Variants in CEP63 observed in about 807,000 individuals in gnomAD.
CEP63 encodes centrosomal protein 63.
A neutral mutation model predicts 89.1 loss-of-function variants in CEP63; 84 were observed. The ratio of observed to expected loss-of-function variants is 0.94; its 90% CI spans 0.79 to 1.13. The LOEUF (loss-of-function observed/expected upper bound fraction) is 1.13, where lower values mean the gene tolerates loss of function less well. Among genes scored for constraint, CEP63 ranks in the 50% most tolerant of loss-of-function variants. CEP63 has a pLI of 0.00. For synonymous variants in CEP63, 267 were observed against 272.5 expected, an observed-to-expected ratio of 0.98 and a Z score of 0.20; for missense variants, 838 against 813.3, an observed-to-expected ratio of 1.03 and a Z score of -0.37.
At chr3:134,514,396 G>T (rs7619451) in intron 3 of CEP63, among the ~76,000 whole-genome samples, 48,339 of 151,958 alleles carry the variant, frequency 0.32, 7,965 homozygotes, top group African/African-American at 0.36. Context: ...AAATGAGAAT[G>T]GGCACAAAAG....
At chr3:134,707,638 A>C in the CEP63 span, among the ~76,000 whole-genome samples, 5 of 151,920 alleles carry the variant, frequency 3.3e-5, no homozygotes, top group Admixed American at 2.0e-4. Flanking sequence ...CTTGACTTTC[A>C]GGTTGTACAA....
the CEP63 span, among the ~76,000 whole-genome samples, chr3:134,752,138 T>C: frequency 6.6e-6 from 1 of 152,026 alleles, no homozygotes; most frequent in Non-Finnish European, 1.5e-5. Flanking sequence ...ACCCCAGCAC[T>C]TAAAGGGCAA....
intron 2 of CEP63, 148 bp from the exon 3 acceptor site, chr3:134,506,961 T>G: frequency 1.8e-6 from 1 of 559,366 alleles, no homozygotes; most frequent in East Asian, 3.1e-5. Flanking sequence ...AATCCTATTC[T>G]TTGCTTCTGG....
the CEP63 span, among the ~76,000 whole-genome samples, chr3:134,658,593 C>G: frequency 2.0e-5 from 3 of 152,300 alleles, no homozygotes; most frequent in South Asian, 6.2e-4. Flanking sequence ...ATTAATGCTG[C>G]CAGCAAGCTG....
At chr3:134,672,170 A>C in the CEP63 span, among the ~76,000 whole-genome samples, 2 of 152,254 alleles carry the variant, frequency 1.3e-5, no homozygotes, top group South Asian at 4.2e-4. Context: ...TCATACTATC[A>C]CCCAGTCACT....
the CEP63 span, among the ~76,000 whole-genome samples, chr3:134,652,765 C>T: frequency 6.6e-6 from 1 of 152,052 alleles, no homozygotes; most frequent in Non-Finnish European, 1.5e-5. Flanking sequence ...ATTGCTGAGG[C>T]AGATCTCAGG....
the CEP63 span, among the ~76,000 whole-genome samples, chr3:134,754,865 C>T: frequency 6.6e-6 from 1 of 152,134 alleles, no homozygotes; most frequent in African/African-American, 2.4e-5. Context: ...CCCCCTAGCC[C>T]AATGAGTAAA....
chr3:134,548,935 ATGAC>A, intron 9 of CEP63, 123 bp from the exon 10 acceptor site: 3 of 659,624 alleles, frequency 4.5e-6, no homozygotes, highest in South Asian at 1.7e-5. Flanking sequence ...AATATTTTAA[ATGAC>A]TGAGGTGATG....
At chr3:134,672,794 C>T in the CEP63 span, among the ~76,000 whole-genome samples, 1 of 152,236 alleles carries the variant, frequency 6.6e-6, no homozygotes, top group Non-Finnish European at 1.5e-5. Context: ...ATACCTGGCC[C>T]CTTGCCCCAG....
the CEP63 span, among the ~76,000 whole-genome samples, chr3:134,664,567 G>A: frequency 2.0e-5 from 3 of 152,232 alleles, no homozygotes; most frequent in Admixed American, 2.0e-4. Flanking sequence ...GCGCACAGGT[G>A]TTTGTGTGGG....
chr3:134,674,949 G>T, the CEP63 span, among the ~76,000 whole-genome samples: 1 of 152,140 alleles, frequency 6.6e-6, no homozygotes, highest in South Asian at 2.1e-4. Flanking sequence ...TGGATTGAAA[G>T]ATTTCATATT....
chr3:134,701,567 C>A, the CEP63 span, among the ~76,000 whole-genome samples: 712 of 150,960 alleles, frequency 4.7e-3, 7 homozygotes, highest in African/African-American at 0.017. Context: ...CAAGGGTATT[C>A]AAGAGTGACA....
intron 6 of CEP63, among the ~76,000 whole-genome samples, chr3:134,540,407 G>A (rs112748123): frequency 6.6e-6 from 1 of 152,092 alleles, no homozygotes; most frequent in African/African-American, 2.4e-5. Context: ...AAACATTTAG[G>A]AGTATTTATT....
chr3:134,657,141 G>T, the CEP63 span, among the ~76,000 whole-genome samples: 2 of 152,214 alleles, frequency 1.3e-5, no homozygotes, highest in Non-Finnish European at 2.9e-5. Flanking sequence ...TCAGAATCAT[G>T]ATGGGAGGCA....
chr3:134,510,435 G>A (rs1576902113), intron 3 of CEP63: 5 of 259,284 alleles, frequency 1.9e-5, no homozygotes, highest in African/African-American at 4.6e-5. Flanking sequence ...GGAGAGAACC[G>A]GAGTTCACCT....
At chr3:134,497,492 G>A (rs1940524305) in intron 2 of CEP63, among the ~76,000 whole-genome samples, 1 of 151,986 alleles carries the variant, frequency 6.6e-6, no homozygotes, top group Non-Finnish European at 1.5e-5. Flanking sequence ...CTGCTTCAGT[G>A]TCCCAAGTAT....
intron 1 of CEP63, among the ~76,000 whole-genome samples, chr3:134,490,228 A>C (rs1314973120): frequency 6.6e-6 from 1 of 152,160 alleles, no homozygotes; most frequent in Admixed American, 6.5e-5. Context: ...CCAACATTTA[A>C]CATTTAAATT....
At chr3:134,681,245 G>A in the CEP63 span, among the ~76,000 whole-genome samples, 1 of 152,172 alleles carries the variant, frequency 6.6e-6, no homozygotes, top group African/African-American at 2.4e-5. Flanking sequence ...CACTTTACTC[G>A]GTGGCATATT....
At chr3:134,753,909 AGTG>A in the CEP63 span, among the ~76,000 whole-genome samples, 2 of 152,008 alleles carry the variant, frequency 1.3e-5, no homozygotes, top group Non-Finnish European at 2.9e-5. Flanking sequence ...GCCACACACT[AGTG>A]TGTGCATCTT....
Sources: gnomAD v4.1 joint callset for allele counts (sites outside exome capture counted in the v4.1 genomes callset) on GRCh38, gnomAD v4.1.1 for gene constraint, MANE v1.5 for transcripts, NCBI Gene and HGNC (gene_info 2026-07-23, HGNC 2026-07-21) for gene names.